Variants in MAP4K4 observed in about 807,000 individuals in gnomAD.
The protein encoded by MAP4K4 is HPK/GCK-like kinase HGK.
A neutral mutation model predicts 189.6 loss-of-function variants in MAP4K4; 38 were observed. That is an observed-to-expected ratio of 0.20 (90% CI 0.15 to 0.26). MAP4K4 has a LOEUF of 0.26. Ranked by LOEUF, MAP4K4 falls within the 10% of genes least tolerant of loss-of-function variation. The pLI is 1.00. For synonymous variants in MAP4K4, 610 were observed against 624.3 expected, an observed-to-expected ratio of 0.98 and a Z score of 0.34; for missense variants, 1,054 against 1,726.9, an observed-to-expected ratio of 0.61 and a Z score of 6.91.
chr2:101,744,111 T>C (rs2064048478), intron 2 of MAP4K4, among the ~76,000 whole-genome samples: 1 of 151,868 alleles, frequency 6.6e-6, no homozygotes, highest in Non-Finnish European at 1.5e-5. Context: ...CTTAGGCTTG[T>C]AAAACAAAAT....
intron 3 of MAP4K4, among the ~76,000 whole-genome samples, chr2:101,815,554 T>C (rs1459328491): frequency 6.6e-6 from 1 of 152,218 alleles, no homozygotes; most frequent in East Asian, 1.9e-4. Context: ...ATGGTCCAGC[T>C]TCTTTGCATG....
At chr2:101,860,739 A>G in intron 15 of MAP4K4, 86 bp from the exon 16 acceptor site, 1 of 1,166,394 alleles carries the variant, frequency 8.6e-7, no homozygotes, top group Non-Finnish European at 1.2e-6. Flanking sequence ...ACTTACCTTT[A>G]GATTTCTTCC....
At chr2:101,829,941 G>T (rs146742848) in intron 6 of MAP4K4, among the ~76,000 whole-genome samples, 4 of 152,112 alleles carry the variant, frequency 2.6e-5, no homozygotes, top group Non-Finnish European at 5.9e-5. Context: ...GATCTGACCC[G>T]TGCTACTTTT....
At chr2:101,807,386 C>T (rs1213561299) in intron 3 of MAP4K4, among the ~76,000 whole-genome samples, 1 of 151,900 alleles carries the variant, frequency 6.6e-6, no homozygotes, top group Non-Finnish European at 1.5e-5. Flanking sequence ...GTATTTTAGC[C>T]CAACATGGCA....
At chr2:101,855,397 A>G (rs1304807538) in intron 12 of MAP4K4, among the ~76,000 whole-genome samples, 1 of 152,220 alleles carries the variant, frequency 6.6e-6, no homozygotes, top group Non-Finnish European at 1.5e-5. Flanking sequence ...TATATTAGGT[A>G]AAGTAAGTGG....
intron 7 of MAP4K4, among the ~76,000 whole-genome samples, chr2:101,832,850 G>A (rs754824465): frequency 6.7e-6 from 1 of 149,838 alleles, no homozygotes; most frequent in Non-Finnish European, 1.5e-5. Flanking sequence ...GCCTGGGCCT[G>A]TTGTCTAATG....
At chr2:101,773,015 C>T (rs2082219153) in intron 2 of MAP4K4, among the ~76,000 whole-genome samples, 1 of 152,194 alleles carries the variant, frequency 6.6e-6, no homozygotes, top group Non-Finnish European at 1.5e-5. Context: ...ACCATCTTCA[C>T]ATTGGTGTAG....
At chr2:101,875,038 G>A (rs1282333474) in intron 26 of MAP4K4, among the ~76,000 whole-genome samples, 1 of 152,122 alleles carries the variant, frequency 6.6e-6, no homozygotes, top group Admixed American at 6.5e-5. Flanking sequence ...TGACATAGGA[G>A]TTTAAAAAAA....
intron 3 of MAP4K4, among the ~76,000 whole-genome samples, chr2:101,820,596 A>T (rs1035110381): frequency 6.6e-6 from 1 of 152,234 alleles, no homozygotes; most frequent in African/African-American, 2.4e-5. Flanking sequence ...CACATGTTTA[A>T]TTAACCATGG....
intron 2 of MAP4K4, among the ~76,000 whole-genome samples, chr2:101,700,882 T>C (rs1019776575): frequency 1.3e-5 from 2 of 152,170 alleles, no homozygotes; most frequent in Non-Finnish European, 2.9e-5. Context: ...ATCTCTTTTT[T>C]TCCTCTTTTT....
intron 2 of MAP4K4, among the ~76,000 whole-genome samples, chr2:101,741,228 C>T (rs970460019): frequency 2.8e-5 from 4 of 143,380 alleles, no homozygotes; most frequent in Non-Finnish European, 3.0e-5. Context: ...AGTGCAGTGG[C>T]GTGATCTTGG....
At chr2:101,812,777 A>T (rs2095509818) in intron 3 of MAP4K4, among the ~76,000 whole-genome samples, 1 of 152,214 alleles carries the variant, frequency 6.6e-6, no homozygotes, top group South Asian at 2.1e-4. Flanking sequence ...TAAGTGCGAG[A>T]TAAAATAGCA....
chr2:101,892,177 A>G (rs2098580777), exon 33 of MAP4K4: 1 of 152,004 alleles, frequency 6.6e-6, no homozygotes, highest in Non-Finnish European at 1.5e-5. Flanking sequence ...AAGAAAGAAA[A>G]AAATTCAAAC....
intron 3 of MAP4K4, among the ~76,000 whole-genome samples, chr2:101,815,038 C>T (rs2095639111): frequency 6.6e-6 from 1 of 152,180 alleles, no homozygotes. Flanking sequence ...TAGTTACTAG[C>T]CTCATTTTGA....
At chr2:101,831,564 T>C (rs1443813117) in intron 6 of MAP4K4, among the ~76,000 whole-genome samples, 157 bp from the exon 7 acceptor site, 1 of 152,142 alleles carries the variant, frequency 6.6e-6, no homozygotes, top group African/African-American at 2.4e-5. Context: ...GGGGCACTCC[T>C]GACCAGTGGT....
chr2:101,784,460 T>C (rs1357431264), intron 2 of MAP4K4, among the ~76,000 whole-genome samples: 1 of 152,152 alleles, frequency 6.6e-6, no homozygotes, highest in African/African-American at 2.4e-5. Flanking sequence ...TAAGCAAATA[T>C]AAAGCCAATT....
At chr2:101,812,220 T>C (rs1046915640) in intron 3 of MAP4K4, among the ~76,000 whole-genome samples, 9 of 152,202 alleles carry the variant, frequency 5.9e-5, no homozygotes, top group African/African-American at 1.7e-4. Flanking sequence ...AAACAATTGC[T>C]TCAAGTTAGC....
intron 13 of MAP4K4, among the ~76,000 whole-genome samples, chr2:101,858,078 C>T (rs2097532021): frequency 1.3e-5 from 2 of 152,178 alleles, no homozygotes; most frequent in South Asian, 4.2e-4. Context: ...ATGTCTGAAC[C>T]TTACAAAAAT....
In MAP4K4 at chr2:101,763,371, A is replaced by G. The variant is rs574455679; in HGVS notation, c.124-27349A>G. Among the ~76,000 whole-genome samples the G allele has an allele frequency of 3.3e-5, 5 of 152,276 alleles. No homozygotes were observed. The East Asian group carries it at 5.8e-4, about 18-fold the overall frequency. On this transcript the variant is annotated intron_variant, in intron 2 of 32. Coordinates refer to ENST00000324219, the Ensembl canonical transcript of MAP4K4. ...AAACACAGTTAAGTTATTAATATAT[A>G]CCCACTTTACAAGTCGTGACCAGGT...
Sources: gnomAD v4.1 joint callset for allele counts (sites outside exome capture counted in the v4.1 genomes callset) on GRCh38, gnomAD v4.1.1 for gene constraint, MANE v1.5 for transcripts, NCBI Gene and HGNC (gene_info 2026-07-23, HGNC 2026-07-21) for gene names.